QDPR: variants seen among roughly 807,000 people sequenced by gnomAD.
The protein encoded by QDPR is dihydropteridine reductase.
A neutral mutation model predicts 31.7 loss-of-function variants in QDPR; 23 were observed. The observed-to-expected ratio is 0.73, with a 90% CI of 0.52 to 1.03. The LOEUF (loss-of-function observed/expected upper bound fraction) is 1.03, where lower values mean the gene tolerates loss of function less well. Ranked by LOEUF, QDPR falls within the 50% of genes least tolerant of loss-of-function variation. The pLI is 0.00. For synonymous variants in QDPR, 124 were observed against 124.7 expected (o/e 0.99, Z 0.03); for missense variants, 324 against 323.8 (o/e 1.00, Z 0.00).
rs1052758164 is a variant in QDPR at position 17,501,588 on chromosome 4, C to G, written c.436+131G>C. 1.2e-5 allele frequency: 13 copies of G among 1,119,374 alleles called. No homozygotes were observed. The African/African-American group carries it at 1.9e-4, about 16-fold the overall frequency. 69.3% of individuals were successfully genotyped at this position (1,119,374 alleles called of 1,614,324 possible). On this transcript the variant is annotated intron_variant, in intron 4 of 6. Transcript: ENST00000281243. ...AAAATGATTCAGGCCCAAAAGAAGA[C>G]AAAATCCATCTATCTGTTAAGCAGC... is the stretch of plus-strand genomic sequence containing the variant.
chr4:17,505,192 C>T (rs1718715245), intron 2 of QDPR, among the ~76,000 whole-genome samples: 1 of 151,030 alleles, frequency 6.6e-6, no homozygotes, highest in South Asian at 2.1e-4. Context: ...TCTGGAATGG[C>T]TGAGATGACA....
rs1253644050 is a variant in QDPR, at chr4:17,487,048, A to G, written c.*83T>C. ...ATCTCGTACCACAAACAGGGGTTAC[A>G]GAAAACACAAGGCTGGACAAGGCCA... On this transcript the variant is annotated 3_prime_UTR_variant, in exon 7 of 7. Coordinates refer to ENST00000281243, the MANE Select transcript of QDPR (RefSeq NM_000320.3). The G allele has an allele frequency of 9.0e-7, 1 of 1,114,626 alleles. No homozygotes were observed. Among genetic ancestry groups the G allele is most frequent in the Non-Finnish European group, 1.4e-6 (1 of 727,946 alleles). The allele number at this position is 1,114,626 out of a possible 1,614,324, so 69.0% of individuals were successfully genotyped here. A position where few individuals can be genotyped will look rare whatever the true frequency, so the allele number is the denominator to read the frequency against.
At position 17,500,587 on chromosome 4, in the gene QDPR, G is replaced by A. The variant is rs768671649; in HGVS notation, c.436+1132C>T. Among the ~76,000 whole-genome samples the A allele has an allele frequency of 8.5e-5, 13 of 152,174 alleles. 1 individual carries two copies. Among genetic ancestry groups the A allele is most frequent in the Non-Finnish European group, 1.8e-4 (12 of 68,030 alleles). The stretch of plus-strand genomic sequence containing the variant: ...AGGGAAGACCACATGCAGACAAAAG[G>A]AGAAGGCAGCCATCTATAAAAAAAG... On this transcript the variant is annotated intron_variant, in intron 4 of 6. Coordinates refer to ENST00000281243, the MANE Select transcript of QDPR (RefSeq NM_000320.3).
At chr4:17,487,738 G>A (rs2597768) in intron 6 of QDPR, among the ~76,000 whole-genome samples, 99,075 of 151,928 alleles carry the variant, frequency 0.65, 32,656 homozygotes, top group East Asian at 0.77. Flanking sequence ...CAAGGCGGGC[G>A]GATCGCTTGA....
intron 4 of QDPR, among the ~76,000 whole-genome samples, chr4:17,497,192 T>C (rs1228465909): frequency 6.6e-6 from 1 of 152,174 alleles, no homozygotes; most frequent in Non-Finnish European, 1.5e-5. Context: ...GCGGTGTGAG[T>C]AGGAGAGAGT....
intron 6 of QDPR, chr4:17,490,259 C>T (rs553284256): frequency 6.7e-6 from 2 of 298,442 alleles, no homozygotes; most frequent in Non-Finnish European, 6.7e-6. Context: ...AGTAAGGACA[C>T]AAACTGCAGC....
At chr4:17,506,471 C>T (rs915364760) in intron 2 of QDPR, among the ~76,000 whole-genome samples, 1 of 152,186 alleles carries the variant, frequency 6.6e-6, no homozygotes, top group African/African-American at 2.4e-5. Flanking sequence ...AACTATTTTG[C>T]TTTAAGGCAG....
intron 2 of QDPR, among the ~76,000 whole-genome samples, chr4:17,507,234 C>A (rs1380776240): frequency 6.6e-6 from 1 of 152,186 alleles, no homozygotes; most frequent in Non-Finnish European, 1.5e-5. Flanking sequence ...GACTCCACCA[C>A]TGAGTAGCTT....
chr4:17,496,174 G>A (rs566289691), intron 4 of QDPR, among the ~76,000 whole-genome samples: 94 of 152,102 alleles, frequency 6.2e-4, no homozygotes, highest in African/African-American at 2.1e-3. Context: ...GGCCAGGTGC[G>A]GTGGCTCACG....
chr4:17,507,776 G>A (rs1410141341), intron 2 of QDPR, among the ~76,000 whole-genome samples: 1 of 151,962 alleles, frequency 6.6e-6, no homozygotes, highest in Non-Finnish European at 1.5e-5. Flanking sequence ...GCTAATTTTT[G>A]TATTTTTAGT....
At chr4:17,504,627 C>T (rs988641610) in intron 2 of QDPR, 152 bp from the exon 3 acceptor site, 3 of 714,230 alleles carry the variant, frequency 4.2e-6, no homozygotes, top group Non-Finnish European at 7.6e-6. Context: ...GAAGACTAAG[C>T]TCTGATGAGC....
At chr4:17,509,225 T>C (rs1299900493) in intron 2 of QDPR, 46 bp downstream of exon 2, 1 of 1,446,182 alleles carries the variant, frequency 6.9e-7, no homozygotes, top group South Asian at 1.1e-5. Context: ...TGGTCACCTC[T>C]CCCCAGGGTT....
At chr4:17,498,939 CAT>C (rs773112814) in intron 4 of QDPR, among the ~76,000 whole-genome samples, 29 of 152,208 alleles carry the variant, frequency 1.9e-4, no homozygotes, top group Non-Finnish European at 3.5e-4. Flanking sequence ...TAAAAGATCT[CAT>C]GACTCAAATT....
In QDPR at chr4:17,490,568, G is replaced by A; in HGVS notation, c.629+94C>T. 10 of 1,047,636 alleles carry A rather than the reference G, an allele frequency of 9.5e-6. No individual in the cohort carries two copies. The Middle Eastern group carries it at 8.1e-4, about 85-fold the overall frequency. 64.9% of individuals were successfully genotyped at this position (1,047,636 alleles called of 1,614,324 possible). On this transcript the variant is annotated intron_variant, in intron 6 of 6. Coordinates refer to ENST00000281243, the MANE Select transcript of QDPR (RefSeq NM_000320.3). ...ACCTCCCAAGACCACCCGGATTGAC[G>A]ATCTCAGGGAACACAGACTTGTCCT...
At chr4:17,511,726 G>T (rs1486592311) in intron 1 of QDPR, among the ~76,000 whole-genome samples, 1 of 152,136 alleles carries the variant, frequency 6.6e-6, no homozygotes, top group African/African-American at 2.4e-5. Context: ...GGAGGCCCAC[G>T]GAGCACCTCC....
chr4:17,498,807 T>A (rs1718453494), intron 4 of QDPR, among the ~76,000 whole-genome samples: 1 of 152,082 alleles, frequency 6.6e-6, no homozygotes, highest in Non-Finnish European at 1.5e-5. Flanking sequence ...TCCTTCCAAG[T>A]GAAAAACTTC....
At position 17,497,881 on chromosome 4, in the gene QDPR, T is replaced by G. The variant is rs374128945; in HGVS notation, c.436+3838A>C. 2.6e-5 allele frequency among the ~76,000 whole-genome samples: 4 copies of G among 152,332 alleles called. No individual in the cohort carries two copies. The South Asian group carries it at 8.3e-4, about 32-fold the overall frequency. On this transcript the variant is annotated intron_variant, in intron 4 of 6. Coordinates refer to ENST00000281243, the MANE Select transcript of QDPR (RefSeq NM_000320.3). ...AGCAAATTTTGACATTGTGTATACC[T>G]GCTACCTATTGGTCTTCCTTTCCTC...
At chr4:17,490,776 A>G in intron 5 of QDPR, 31 bp from the exon 6 acceptor site, 1 of 1,574,610 alleles carries the variant, frequency 6.4e-7, no homozygotes, top group Admixed American at 1.7e-5. Flanking sequence ...CACGTCATTC[A>G]TGTCGCTCCT....
rs761568067 is a variant in QDPR at position 17,487,177 on chromosome 4, A to G, written c.689T>C (p.Val230Ala). 2 of 1,614,214 alleles carry G rather than the reference A, an allele frequency of 1.2e-6. No homozygotes were observed. The highest frequency in any genetic ancestry group is 3.3e-5 in the Admixed American group (2 of 60,028). The change falls in exon 7 of 7, where the codon GTG becomes GCG. Residue 230 changes from valine to alanine, a missense_variant. Coordinates refer to ENST00000281243, the MANE Select transcript of QDPR (RefSeq NM_000320.3). ...NRPSSGSLIQ[V>A]VTTEGRTELT... ...TTCCGTCCTTCCTTCTGTGGTTACC[A>G]CCTGGATTAGGCTTCCTGAGCTCGG... is the stretch of plus-strand genomic sequence containing the variant.
Sources: gnomAD v4.1 joint callset for allele counts (sites outside exome capture counted in the v4.1 genomes callset) on GRCh38, gnomAD v4.1.1 for gene constraint, MANE v1.5 for transcripts, NCBI Gene and HGNC (gene_info 2026-07-23, HGNC 2026-07-21) for gene names.